CCDC87: variants seen among roughly 807,000 people sequenced by gnomAD.
CCDC87 encodes coiled-coil domain containing 87, also known as coiled-coil domain-containing protein 87.
For missense variants in CCDC87, 1,072 were observed against 1,041.7 expected (o/e 1.03, Z -0.40); for synonymous variants, 434 against 440.2 (o/e 0.99, Z 0.18).
Position 66,592,387 on chromosome 11 carries a change from G to A in CCDC87, c.629C>T (p.Pro210Leu), listed in dbSNP as rs779360543. The A allele has an allele frequency of 5.6e-6, 9 of 1,614,152 alleles. No homozygotes were observed. The highest frequency in any genetic ancestry group is 3.3e-5 in the Admixed American group (2 of 60,026). The change falls in exon 1 of 1, where the codon CCC (proline) becomes CTC (leucine). Residue 210 changes from proline to leucine, a missense_variant. By Grantham distance (98) the Pro-to-Leu change is moderately conservative. Coordinates refer to ENST00000333861, the MANE Select transcript of CCDC87 (RefSeq NM_018219.3). ...GGCGAAGCCAGTGCTGTGAGGCCAGGGGATAGGGCACAGCTTGAACGTCCC... is the reference window on the plus strand; with the variant it reads ...GGCGAAGCCAGTGCTGTGAGGCCAGAGGATAGGGCACAGCTTGAACGTCCC... ...PAGTFKLCPI[P>L]WPHSTGFAQV... is the part of the protein sequence containing the mutation.
chr11:66,590,556 C>A lies in CCDC87; in HGVS notation c.2460G>T (p.Leu820=), dbSNP rs1858333111. ...KSDKVEMLYW[L]QQQRRVRHLV... ...GGTGGCGAACCCGCCGCTGCTGTTG[C>A]AGCCAATAGAGCATCTCCACTTTGT... Residue 820 remains leucine, a synonymous_variant, in exon 1 of 1, where the codon CTG becomes CTT. Transcript: ENST00000333861. The A allele has an allele frequency of 6.2e-7, 1 of 1,614,234 alleles. No homozygotes were observed. The highest frequency in any genetic ancestry group is 8.5e-7 in the Non-Finnish European group (1 of 1,180,050).
rs1858376826 is a variant in CCDC87, at chr11:66,592,107, G to A, written c.909C>T (p.Cys303=). 2 of 1,590,760 alleles carry A rather than the reference G, an allele frequency of 1.3e-6. No homozygotes were observed. Among genetic ancestry groups the A allele is most frequent in the African/African-American group, 1.3e-5 (1 of 74,370 alleles). Reference sequence around the variant, plus strand: ...TGGATTGGCCTCTCCGGAGCTCAGGGCAGAAAGGCGAGGGGGAAGCCCTGC... The same window carrying A: ...TGGATTGGCCTCTCCGGAGCTCAGGACAGAAAGGCGAGGGGGAAGCCCTGC... The part of the protein sequence containing the change: ...PTSRASPSPF[C]PELRRGQSMP... Residue 303 remains cysteine (C), a synonymous_variant, in exon 1 of 1, where the codon TGC becomes TGT. Coordinates refer to ENST00000333861, the MANE Select transcript of CCDC87 (RefSeq NM_018219.3).
At position 66,590,958 on chromosome 11, in the gene CCDC87, T is replaced by C; in HGVS notation, c.2058A>G (p.Gln686=). Residue 686 remains glutamine (Q), a synonymous_variant, in exon 1 of 1, where the codon CAA becomes CAG. Coordinates refer to ENST00000333861, the MANE Select transcript of CCDC87 (RefSeq NM_018219.3). ...CAGGGACCTCAAGCACAGACCACAG[T>C]TGTTCCAGATGCTTCTGCAGGCTCA... ...KILSLQKHLE[Q]LWSVLEVPDK... The C allele has an allele frequency of 6.2e-7, 1 of 1,613,640 alleles. No homozygotes were observed. The highest frequency in any genetic ancestry group is 8.5e-7 in the Non-Finnish European group (1 of 1,180,014).
rs1858382047 is a variant in CCDC87, at chr11:66,592,276, T to C, written c.740A>G (p.Asp247Gly). ...GATGGACTTCAATTCCTTCACTGGA[T>C]CCATCCTTCCTGGCTCATTGAGAAA... ...PEFLNEPGRMDPVKELKSIPR... is the reference protein window; with the variant it reads ...PEFLNEPGRMGPVKELKSIPR... Residue 247 changes from aspartate to glycine, a missense_variant, in exon 1 of 1, where the codon GAT (aspartate) becomes GGT (glycine). Transcript: ENST00000333861. 6.2e-7 allele frequency: 1 copy of C among 1,614,122 alleles called. No homozygotes were observed. Among genetic ancestry groups the C allele is most frequent in the Admixed American group, 1.7e-5 (1 of 60,000 alleles).
rs747934041 is a variant in CCDC87 at position 66,591,023 on chromosome 11, C to T, written c.1993G>A (p.Ala665Thr). 1 of 1,614,118 alleles carries T rather than the reference C, an allele frequency of 6.2e-7. No homozygotes were observed. Among genetic ancestry groups the T allele is most frequent in the Non-Finnish European group, 8.5e-7 (1 of 1,180,032 alleles). The change falls in exon 1 of 1, where the codon GCT (alanine) becomes ACT (threonine). Residue 665 changes from alanine to threonine, a missense_variant. Ala to Thr is a moderately conservative substitution (Grantham distance 58). Coordinates refer to ENST00000333861, the MANE Select transcript of CCDC87 (RefSeq NM_018219.3). ...TCTCCCAGGTGGGGTGTCTTCCCAG[C>T]TCCTAGCCTGTGCTCTAGCACAGTG... ...WNTVLEHRLG[A>T]GKTPHLGEPH...
Position 66,590,337 on chromosome 11 carries a change from T to A in CCDC87, c.*129A>T. Reference sequence around the variant, plus strand: ...TGTTCCTGAACCCTCCACTCCCAGATATAGACAAATATTTCTTCTTCCAAA... The same window carrying A: ...TGTTCCTGAACCCTCCACTCCCAGAAATAGACAAATATTTCTTCTTCCAAA... On this transcript the variant is annotated 3_prime_UTR_variant, in exon 1 of 1. Transcript: ENST00000333861. 1.4e-6 allele frequency: 1 copy of A among 692,992 alleles called. No homozygotes were observed. The highest frequency in any genetic ancestry group is 2.6e-5 in the East Asian group (1 of 38,088). The allele number at this position is 692,992 out of a possible 1,614,324, so 42.9% of individuals were successfully genotyped here.
At position 66,592,535 on chromosome 11, in the gene CCDC87, C is replaced by A. The variant is rs761589010; in HGVS notation, c.481G>T (p.Asp161Tyr). 6.2e-7 allele frequency: 1 copy of A among 1,613,256 alleles called. No homozygotes were observed. The highest frequency in any genetic ancestry group is 8.5e-7 in the Non-Finnish European group (1 of 1,180,010). The change falls in exon 1 of 1, where the codon GAC becomes TAC. Residue 161 changes from aspartate (D) to tyrosine (Y), a missense_variant. Asp to Tyr is a radical substitution (Grantham distance 160). Coordinates refer to ENST00000333861, the MANE Select transcript of CCDC87 (RefSeq NM_018219.3). ...LTRLAASLAR[D>Y]CTLFLTSPNV... The stretch of plus-strand genomic sequence containing the variant: ...GGACTAGTAAGGAAGAGTGTGCAGT[C>A]CCTGGCGAGGCTGGCGGCCAACCGG...
In CCDC87 at chr11:66,592,993, T is replaced by C; in HGVS notation, c.23A>G (p.Glu8Gly). The C allele has an allele frequency of 6.6e-7, 1 of 1,513,896 alleles. No homozygotes were observed. Among genetic ancestry groups the C allele is most frequent in the Non-Finnish European group, 8.8e-7 (1 of 1,133,682 alleles). 93.8% of individuals were successfully genotyped at this position (1,513,896 alleles called of 1,614,324 possible). The change falls in exon 1 of 1, where the codon GAG becomes GGG. Residue 8 changes from glutamate to glycine, a missense_variant. Transcript: ENST00000333861. MMEPPKPEPELQRFYHRL... is the reference protein window; with the variant it reads MMEPPKPGPELQRFYHRL... ...GTGGTAAAACCGCTGGAGCTCAGGC[T>C]CGGGCTTCGGGGGCTCCATCATAGA... is the stretch of plus-strand genomic sequence containing the variant.
Position 66,591,826 on chromosome 11 carries a change from TC to T in CCDC87, c.1189del (p.Glu397SerfsTer6). The T allele has an allele frequency of 6.2e-7, 1 of 1,613,346 alleles. No homozygotes were observed. The highest frequency in any genetic ancestry group is 8.5e-7 in the Non-Finnish European group (1 of 1,179,706). On this transcript the variant is annotated frameshift_variant, in exon 1 of 1. Coordinates refer to ENST00000333861, the MANE Select transcript of CCDC87 (RefSeq NM_018219.3). LOFTEE classifies it low-confidence loss of function (END_TRUNC). Reference protein sequence around the residue: ...RHPAAGHRLEELEKMLRNLQE... With the variant: ...RHPAAGHRLEXLEKMLRNLQE... ...GAGGTTCCTCAACATCTTCTCCAGCTCCTCCAGGCGATGCCCTGCAGCTGGG... is the reference window on the plus strand; with the variant it reads ...GAGGTTCCTCAACATCTTCTCCAGCTCTCCAGGCGATGCCCTGCAGCTGGG...
At position 66,592,529 on chromosome 11, in the gene CCDC87, T is replaced by A; in HGVS notation, c.487A>T (p.Thr163Ser). 1 of 1,613,354 alleles carries A rather than the reference T, an allele frequency of 6.2e-7. No homozygotes were observed. Among genetic ancestry groups the A allele is most frequent in the Non-Finnish European group, 8.5e-7 (1 of 1,180,022 alleles). The change falls in exon 1 of 1, where the codon ACA becomes TCA. Residue 163 changes from threonine (T) to serine (S), a missense_variant. Physicochemically the swap from Thr to Ser is moderately conservative, Grantham distance 58. Coordinates refer to ENST00000333861, the MANE Select transcript of CCDC87 (RefSeq NM_018219.3). ...RLAASLARDC[T>S]LFLTSPNVYR... ...ACGTTGGGACTAGTAAGGAAGAGTG[T>A]GCAGTCCCTGGCGAGGCTGGCGGCC...
chr11:66,591,117 C>T lies in CCDC87; in HGVS notation c.1899G>A (p.Glu633=), dbSNP rs758161317. The T allele has an allele frequency of 6.2e-7, 1 of 1,614,142 alleles. No individual in the cohort carries two copies. The highest frequency in any genetic ancestry group is 2.2e-5 in the East Asian group (1 of 44,888). ...EIVAPARESL[E]IQHPPPLLED... is the part of the protein sequence containing the mutation. Reference sequence around the variant, plus strand: ...CTAGCAATGGGGGAGGGTGCTGAATCTCTAGGGACTCTCTGGCAGGGGCCA... The same window carrying T: ...CTAGCAATGGGGGAGGGTGCTGAATTTCTAGGGACTCTCTGGCAGGGGCCA... Residue 633 remains glutamate (E), a synonymous_variant, in exon 1 of 1, where the codon GAG becomes GAA. Coordinates refer to ENST00000333861, the MANE Select transcript of CCDC87 (RefSeq NM_018219.3).
chr11:66,590,836 G>A lies in CCDC87; in HGVS notation c.2180C>T (p.Pro727Leu), dbSNP rs1474612335. The A allele has an allele frequency of 6.2e-7, 1 of 1,613,806 alleles. No homozygotes were observed. ...LVNAWERALK[P>L]IQLREALLAR... ...CAGCAATGCCTCCCGCAGCTGAATGGGCTTCAGGGCCCGCTCCCAGGCATT... is the reference window on the plus strand; with the variant it reads ...CAGCAATGCCTCCCGCAGCTGAATGAGCTTCAGGGCCCGCTCCCAGGCATT... Residue 727 changes from proline (P) to leucine (L), a missense_variant, in exon 1 of 1, where the codon CCC becomes CTC. Transcript: ENST00000333861.
At position 66,590,796 on chromosome 11, in the gene CCDC87, C is replaced by A. The variant is rs767057945; in HGVS notation, c.2220G>T (p.Trp740Cys). ...TGGGATTGGAAGCTTGTCCCTCAAA[C>A]CACTCTAGTCTCGCCAGCAATGCCT... ...LREALLARLE[W>C]FEGQASNPNR... is the part of the protein sequence containing the mutation. The change falls in exon 1 of 1, where the codon TGG (tryptophan) becomes TGT (cysteine). Residue 740 changes from tryptophan to cysteine, a missense_variant. Trp to Cys is a radical substitution (Grantham distance 215). Transcript: ENST00000333861. 9 of 1,613,122 alleles carry A rather than the reference C, an allele frequency of 5.6e-6. No homozygotes were observed. The highest frequency in any genetic ancestry group is 7.6e-6 in the Non-Finnish European group (9 of 1,180,050).
rs2134975800 is a variant in CCDC87 at position 66,593,018 on chromosome 11, A to G, written c.-3T>C. ...TCGGGCTTCGGGGGCTCCATCATAG[A>G]GCCGGCGGCCGCCACCGTCCAGGAA... On this transcript the variant is annotated 5_prime_UTR_variant, in exon 1 of 1. Coordinates refer to ENST00000333861, the MANE Select transcript of CCDC87 (RefSeq NM_018219.3). 5 of 1,508,950 alleles carry G rather than the reference A, an allele frequency of 3.3e-6. No individual in the cohort carries two copies. The South Asian group carries it at 6.7e-5, about 20-fold the overall frequency. 93.5% of individuals were successfully genotyped at this position (1,508,950 alleles called of 1,614,324 possible).
In CCDC87 at chr11:66,592,671, C is replaced by T; in HGVS notation, c.345G>A (p.Arg115=). The T allele has an allele frequency of 6.2e-7, 1 of 1,614,028 alleles. No homozygotes were observed. The change falls in exon 1 of 1, where the codon CGG becomes CGA. Residue 115 remains arginine (R), a synonymous_variant. Coordinates refer to ENST00000333861, the MANE Select transcript of CCDC87 (RefSeq NM_018219.3). ...TGCTCAGCAGCACGTAGGCCTCGAGCCGCTTCCGCAGCTTCTGGTTGTTTT... is the reference window on the plus strand; with the variant it reads ...TGCTCAGCAGCACGTAGGCCTCGAGTCGCTTCCGCAGCTTCTGGTTGTTTT... The part of the protein sequence containing the change: ...SHKNNQKLRK[R]LEAYVLLSSE...
In CCDC87 at chr11:66,592,982, G is replaced by A. The variant is rs921333676; in HGVS notation, c.34C>T (p.Gln12Ter). The change falls in exon 1 of 1, where the codon CAG becomes TAG. Residue 12 changes from glutamine to a stop codon, truncating the protein, a stop_gained. Coordinates refer to ENST00000333861, the MANE Select transcript of CCDC87 (RefSeq NM_018219.3). LOFTEE classifies it low-confidence loss of function (END_TRUNC). ...MEPPKPEPELQRFYHRLLRPL... is the reference protein window; with the variant it reads ...MEPPKPEPEL ...CGCAGCAGCCGGTGGTAAAACCGCT[G>A]GAGCTCAGGCTCGGGCTTCGGGGGC... is the stretch of plus-strand genomic sequence containing the variant. The A allele has an allele frequency of 2.6e-6, 4 of 1,515,826 alleles. No homozygotes were observed. The highest frequency in any genetic ancestry group is 4.6e-5 in the Admixed American group (2 of 43,708). 93.9% of individuals were successfully genotyped at this position (1,515,826 alleles called of 1,614,324 possible).
rs1020119738 is a variant in CCDC87 at position 66,590,786 on chromosome 11, G to A, written c.2230C>T (p.Gln744Ter). The A allele has an allele frequency of 3.1e-6, 5 of 1,612,692 alleles. No homozygotes were observed. In the African/African-American group the frequency reaches 6.7e-5, roughly 22 times the overall value. ...LLARLEWFEGQASNPNRFFKK... is the reference protein window; with the variant it reads ...LLARLEWFEG Reference sequence around the variant, plus strand: ...AAGAAGCGGTTGGGATTGGAAGCTTGTCCCTCAAACCACTCTAGTCTCGCC... The same window carrying A: ...AAGAAGCGGTTGGGATTGGAAGCTTATCCCTCAAACCACTCTAGTCTCGCC... The change falls in exon 1 of 1, where the codon CAA becomes TAA. Residue 744 changes from glutamine to a stop codon, truncating the protein, a stop_gained. Transcript: ENST00000333861. LOFTEE classifies it low-confidence loss of function (END_TRUNC).
In CCDC87 at chr11:66,592,475, C is replaced by T. The variant is rs1858387884; in HGVS notation, c.541G>A (p.Ala181Thr). The T allele has an allele frequency of 6.2e-7, 1 of 1,613,704 alleles. No individual in the cohort carries two copies. Among genetic ancestry groups the T allele is most frequent in the African/African-American group, 1.3e-5 (1 of 74,926 alleles). Residue 181 changes from alanine to threonine, a missense_variant, in exon 1 of 1, where the codon GCC becomes ACC. Ala to Thr is a moderately conservative substitution (Grantham distance 58). Transcript: ENST00000333861. Reference protein sequence around the residue: ...VYRGLLADFQALLRAEQASGD... With the variant: ...VYRGLLADFQTLLRAEQASGD... ...GAGGCCTGCTCTGCCCTCAGCAGGG[C>T]CTGGAAGTCGGCAAGCAGGCCACGG... is the stretch of plus-strand genomic sequence containing the variant.
At position 66,592,646 on chromosome 11, in the gene CCDC87, T is replaced by C; in HGVS notation, c.370A>G (p.Ser124Gly). 3.7e-6 allele frequency: 6 copies of C among 1,613,866 alleles called. No homozygotes were observed. The highest frequency in any genetic ancestry group is 4.2e-6 in the Non-Finnish European group (5 of 1,179,998). The change falls in exon 1 of 1, where the codon AGC becomes GGC. Residue 124 changes from serine (S) to glycine (G), a missense_variant. Physicochemically the swap from Ser to Gly is moderately conservative, Grantham distance 56. Coordinates refer to ENST00000333861, the MANE Select transcript of CCDC87 (RefSeq NM_018219.3). ...KRLEAYVLLS[S>G]EQLFLRYLHL... ...AGGTAGCGCAAGAAGAGCTGCTCGCTGCTCAGCAGCACGTAGGCCTCGAGC... is the reference window on the plus strand; with the variant it reads ...AGGTAGCGCAAGAAGAGCTGCTCGCCGCTCAGCAGCACGTAGGCCTCGAGC...
Sources: allele counts gnomAD v4.1 joint callset, GRCh38; gene constraint gnomAD v4.1.1; transcripts MANE v1.5; gene names NCBI Gene and HGNC (gene_info 2026-07-23, HGNC 2026-07-21).